Variants in SOX5 observed in about 807,000 individuals in gnomAD.
SOX5 encodes the protein transcription factor SOX-5.
SOX5 carries 9 observed loss-of-function variants against 92.0 expected under a neutral mutation model. The observed-to-expected ratio is 0.10, with a 90% CI of 0.06 to 0.17. The LOEUF is 0.17. SOX5 is among the 10% of genes least tolerant of loss of function. The probability of loss-of-function intolerance (pLI) is 1.00; values close to 1 mark genes in which losing one functional copy is unlikely to be tolerated. For synonymous variants in SOX5, 344 were observed against 336.3 expected, an observed-to-expected ratio of 1.02 and a Z score of -0.25; for missense variants, 642 against 944.5, an observed-to-expected ratio of 0.68 and a Z score of 4.20.
intron 3 of SOX5, among the ~76,000 whole-genome samples, chr12:23,812,807 C>T (rs2095901327): frequency 6.6e-6 from 1 of 152,100 alleles, no homozygotes; most frequent in African/African-American, 2.4e-5. Flanking sequence ...CAGGAACACA[C>T]TATTCTCATA....
intron 3 of SOX5, among the ~76,000 whole-genome samples, chr12:23,831,096 C>G (rs1282396928): frequency 2.0e-5 from 3 of 152,020 alleles, no homozygotes; most frequent in Non-Finnish European, 4.4e-5. Context: ...AATTTTATAT[C>G]TATTTAGAGG....
chr12:24,345,983 A>T (rs555877294), intron 2 of SOX5, among the ~76,000 whole-genome samples: 3 of 152,338 alleles, frequency 2.0e-5, no homozygotes, highest in African/African-American at 7.2e-5. Context: ...CAGGTTCCAT[A>T]AATCACTCAC....
At chr12:24,157,750 C>A (rs1004497851) in intron 4 of SOX5, among the ~76,000 whole-genome samples, 1 of 152,090 alleles carries the variant, frequency 6.6e-6, no homozygotes, top group African/African-American at 2.4e-5. Context: ...TTGATACCAT[C>A]TGTCCTATTA....
Position 24,433,031 on chromosome 12 carries a change from T to C in SOX5, c.-250-64392A>G, listed in dbSNP as rs73285503. Among the ~76,000 whole-genome samples the C allele has an allele frequency of 5.8e-3, 887 of 152,274 alleles. 9 individuals are homozygous for C. Among genetic ancestry groups the C allele is most frequent in the African/African-American group, 0.021 (857 of 41,576 alleles). ...AATCTACAGTGATAATGTATTTTTATAACATAAGTATTTTTTATTTGGAAT... is the reference window on the plus strand; with the variant it reads ...AATCTACAGTGATAATGTATTTTTACAACATAAGTATTTTTTATTTGGAAT... On this transcript the variant is annotated intron_variant, in intron 1 of 4. Coordinates refer to the SOX5 transcript ENST00000446891.
Position 24,129,167 on chromosome 12 carries a change from A to C in SOX5, c.-2+84176T>G, listed in dbSNP as rs577881882. ...AAGAATAATTTAGAGAAAATATTGA[A>C]AATACATCCATTATGAAGGTTCTTT... On this transcript the variant is annotated intron_variant, in intron 4 of 4. Transcript: ENST00000446891. Among the ~76,000 whole-genome samples the C allele has an allele frequency of 2.0e-5, 3 of 152,306 alleles. No individual in the cohort carries two copies. In the South Asian group the frequency reaches 6.2e-4, roughly 32 times the overall value.
intron 4 of SOX5, among the ~76,000 whole-genome samples, chr12:24,135,499 T>C (rs950240670): frequency 6.6e-6 from 1 of 152,232 alleles, no homozygotes; most frequent in African/African-American, 2.4e-5. Context: ...AATTACTGAG[T>C]ATCTGCTTTG....
At chr12:24,310,994 T>C (rs1319891883) in intron 2 of SOX5, among the ~76,000 whole-genome samples, 2 of 152,214 alleles carry the variant, frequency 1.3e-5, no homozygotes, top group Non-Finnish European at 2.9e-5. Flanking sequence ...ATATGGGACC[T>C]TGACAATTGA....
chr12:23,936,813 A>C (rs1199467933), intron 1 of SOX5, among the ~76,000 whole-genome samples: 1 of 151,104 alleles, frequency 6.6e-6, no homozygotes, highest in Non-Finnish European at 1.5e-5. Flanking sequence ...TTCAACATAT[A>C]ATCAACATTT....
chr12:24,425,830 T>C (rs1424462292), intron 1 of SOX5, among the ~76,000 whole-genome samples: 2 of 151,970 alleles, frequency 1.3e-5, no homozygotes, highest in African/African-American at 2.4e-5. Context: ...ACACTGTGAG[T>C]CAAGATCACC....
intron 1 of SOX5, among the ~76,000 whole-genome samples, chr12:24,449,249 T>C (rs1941927719): frequency 6.6e-6 from 1 of 152,168 alleles, no homozygotes; most frequent in Non-Finnish European, 1.5e-5. Context: ...TCTAATTCCT[T>C]ACTCTGTGTT....
rs750802090 is a variant in SOX5 at position 23,612,995 on chromosome 12, T to C, written c.1018-8462A>G. Among the ~76,000 whole-genome samples, 91 of 152,166 alleles carry C rather than the reference T, an allele frequency of 6.0e-4. 1 individual carries two copies. The highest frequency in any genetic ancestry group is 1.5e-4 in the Non-Finnish European group (10 of 68,028). ...ATAAATTTGCTTTGCCCATTATTTT[T>C]CATAATGTTTTTTCACATTATCATA... On this transcript the variant is annotated intron_variant, in intron 8 of 14. Transcript: ENST00000451604.
chr12:23,571,100 A>C (rs1166167950), intron 10 of SOX5, among the ~76,000 whole-genome samples: 1 of 147,706 alleles, frequency 6.8e-6, no homozygotes, highest in Admixed American at 6.8e-5. Context: ...CAACCACTAC[A>C]CTCCAGCCAC....
At position 23,802,347 on chromosome 12, in the gene SOX5, T is replaced by G. The variant is rs1019026230; in HGVS notation, c.481+43636A>C. ...AGCCCGTCTCGGCCTCCCAGAGTGCTGGGATTATAGGCGTCAGCCACTGCG... is the reference window on the plus strand; with the variant it reads ...AGCCCGTCTCGGCCTCCCAGAGTGCGGGGATTATAGGCGTCAGCCACTGCG... On this transcript the variant is annotated intron_variant, in intron 3 of 14. Transcript: ENST00000451604. 3.3e-5 allele frequency among the ~76,000 whole-genome samples: 5 copies of G among 152,326 alleles called. 1 individual carries two copies. Among genetic ancestry groups the G allele is most frequent in the Middle Eastern group, 3.4e-3 (1 of 294 alleles).
chr12:23,736,860 T>C (rs1593847144), intron 5 of SOX5, among the ~76,000 whole-genome samples: 1 of 151,908 alleles, frequency 6.6e-6, no homozygotes, highest in Non-Finnish European at 1.5e-5. Context: ...CTGATTAATT[T>C]TTTTATATTT....
intron 8 of SOX5, among the ~76,000 whole-genome samples, chr12:23,607,065 C>A (rs1462123855): frequency 6.6e-6 from 1 of 152,134 alleles, no homozygotes; most frequent in Non-Finnish European, 1.5e-5. Context: ...TGCCCATAAA[C>A]CCTTTCTCAT....
intron 1 of SOX5, among the ~76,000 whole-genome samples, chr12:24,483,836 T>C (rs1946246043): frequency 1.3e-5 from 2 of 152,248 alleles, no homozygotes; most frequent in African/African-American, 4.8e-5. Flanking sequence ...TTCTGCATTC[T>C]CTTTAGTAAT....
At chr12:24,449,678 G>A (rs1941984860) in intron 1 of SOX5, among the ~76,000 whole-genome samples, 1 of 152,156 alleles carries the variant, frequency 6.6e-6, no homozygotes, top group Non-Finnish European at 1.5e-5. Context: ...TTTAATATAT[G>A]TGAAGATGAC....
chr12:24,325,031 A>T (rs539359863), intron 2 of SOX5, among the ~76,000 whole-genome samples: 1 of 152,290 alleles, frequency 6.6e-6, no homozygotes, highest in South Asian at 2.1e-4. Context: ...ATTTGGATAT[A>T]TTGCTTTCCT....
At chr12:23,550,090 A>G (rs1943904152) in intron 11 of SOX5, among the ~76,000 whole-genome samples, 1 of 151,992 alleles carries the variant, frequency 6.6e-6, no homozygotes, top group Non-Finnish European at 1.5e-5. Flanking sequence ...TACTGTTTGC[A>G]CATAATCCCA....
Sources: allele counts gnomAD v4.1 joint callset (sites outside exome capture counted in the v4.1 genomes callset), GRCh38; gene constraint gnomAD v4.1.1; transcripts MANE v1.5; gene names NCBI Gene and HGNC (gene_info 2026-07-23, HGNC 2026-07-21).